ELSPBP1: variants seen among roughly 807,000 people sequenced by gnomAD.
ELSPBP1 encodes the protein epididymal sperm-binding protein 1.
A neutral mutation model predicts 33.3 loss-of-function variants in ELSPBP1; 38 were observed. That is an observed-to-expected ratio of 1.14 (90% CI 0.88 to 1.50). The LOEUF is 1.50. Ranked by LOEUF, ELSPBP1 falls within the 40% of genes most tolerant of loss-of-function variation. ELSPBP1 has a pLI of 0.00. For synonymous variants in ELSPBP1, 85 were observed against 94.1 expected, an observed-to-expected ratio of 0.90 and a Z score of 0.56; for missense variants, 267 against 263.5, an observed-to-expected ratio of 1.01 and a Z score of -0.09.
At chr19:48,008,526 G>T in intron 1 of ELSPBP1, 125 bp from the exon 2 acceptor site, 3 of 662,030 alleles carry the variant, frequency 4.5e-6, no homozygotes, top group Non-Finnish European at 7.9e-6. Flanking sequence ...GAGCTACCAT[G>T]CCTGGTCTAT....
intron 1 of ELSPBP1, among the ~76,000 whole-genome samples, chr19:47,996,940 T>C (rs1966917589): frequency 6.6e-6 from 1 of 152,216 alleles, no homozygotes; most frequent in South Asian, 2.1e-4. Flanking sequence ...GTGAGTTATC[T>C]CTATAGCACG....
Position 47,994,679 on chromosome 19 carries a change from C to T in ELSPBP1, c.-150C>T, listed in dbSNP as rs1213287453. On this transcript the variant is annotated 5_prime_UTR_variant, in exon 1 of 7. Coordinates refer to ENST00000339841, the MANE Select transcript of ELSPBP1 (RefSeq NM_022142.5). ...TGATGAAGAACCCTCCTTTGAGAAG[C>T]TGCCTTTGTGTCCTACAGACAGGCT... 2 of 152,358 alleles carry T rather than the reference C, an allele frequency of 1.3e-5. No homozygotes were observed. The highest frequency in any genetic ancestry group is 4.8e-5 in the African/African-American group (2 of 41,460). The allele number at this position is 152,358 out of a possible 1,614,324, so 9.4% of individuals were successfully genotyped here. A position where few individuals can be genotyped will look rare whatever the true frequency, so the allele number is the denominator to read the frequency against.
At chr19:48,020,022 C>T in intron 5 of ELSPBP1, 145 bp downstream of exon 5, 1 of 848,486 alleles carries the variant, frequency 1.2e-6, no homozygotes, top group African/African-American at 1.7e-5. Flanking sequence ...AGAGTTCTGG[C>T]TCACGAATAA....
intron 4 of ELSPBP1, among the ~76,000 whole-genome samples, chr19:48,018,993 A>G (rs1967170228): frequency 6.6e-6 from 1 of 152,062 alleles, no homozygotes; most frequent in Non-Finnish European, 1.5e-5. Flanking sequence ...TTCTCTAATA[A>G]AAATAGAAAA....
chr19:48,022,641 T>C (rs1967214491), intron 6 of ELSPBP1, among the ~76,000 whole-genome samples: 1 of 152,098 alleles, frequency 6.6e-6, no homozygotes, highest in African/African-American at 2.4e-5. Context: ...TTGGCAAACT[T>C]TTTCAGACCC....
intron 4 of ELSPBP1, among the ~76,000 whole-genome samples, chr19:48,016,874 C>T (rs1600110285): frequency 6.6e-6 from 1 of 152,262 alleles, no homozygotes; most frequent in South Asian, 2.1e-4. Context: ...GCTAGGATTA[C>T]AGGCATGAGG....
chr19:48,015,857 G>A (rs762954775), intron 3 of ELSPBP1, 36 bp from the exon 4 acceptor site: 10 of 1,573,886 alleles, frequency 6.4e-6, no homozygotes, highest in Non-Finnish European at 8.7e-6. Context: ...AACGACTAGA[G>A]GAAGTTAAGA....
intron 1 of ELSPBP1, among the ~76,000 whole-genome samples, chr19:48,002,647 C>T (rs1292099521): frequency 6.6e-6 from 1 of 152,180 alleles, no homozygotes; most frequent in Admixed American, 6.5e-5. Flanking sequence ...AAAAAAATAG[C>T]TGAGCGTGAT....
intron 6 of ELSPBP1, among the ~76,000 whole-genome samples, chr19:48,023,428 GAGGA>G (rs1967228340): frequency 2.2e-5 from 2 of 91,348 alleles, no homozygotes; most frequent in African/African-American, 3.8e-5. Context: ...GGGAGGGAAG[GAGGA>G]AGGGAGAAAG....
rs1966897431 is a variant in ELSPBP1, at chr19:47,994,687, G to A, written c.-142G>A. 6.6e-6 allele frequency: 1 copy of A among 152,386 alleles called. No individual in the cohort carries two copies. The highest frequency in any genetic ancestry group is 1.9e-4 in the East Asian group (1 of 5,176). 9.4% of individuals were successfully genotyped at this position (152,386 alleles called of 1,614,324 possible). ...AACCCTCCTTTGAGAAGCTGCCTTTGTGTCCTACAGACAGGCTGGGGCCAA... is the reference window on the plus strand; with the variant it reads ...AACCCTCCTTTGAGAAGCTGCCTTTATGTCCTACAGACAGGCTGGGGCCAA... On this transcript the variant is annotated 5_prime_UTR_variant, in exon 1 of 7. It adds an upstream start codon to the 5' untranslated region. Coordinates refer to ENST00000339841, the MANE Select transcript of ELSPBP1 (RefSeq NM_022142.5).
chr19:48,014,582 G>A (rs1205088505), intron 3 of ELSPBP1, among the ~76,000 whole-genome samples: 2 of 149,768 alleles, frequency 1.3e-5, no homozygotes, highest in Admixed American at 1.3e-4. Flanking sequence ...CTAAAGACGA[G>A]TTAATGGGTG....
intron 1 of ELSPBP1, among the ~76,000 whole-genome samples, chr19:48,001,763 G>C (rs1422758333): frequency 1.3e-5 from 2 of 151,572 alleles, no homozygotes; most frequent in African/African-American, 4.9e-5. Context: ...GTGTTACCTA[G>C]GCTGATCTCG....
intron 1 of ELSPBP1, among the ~76,000 whole-genome samples, chr19:47,999,415 GTC>G (rs1348051659): frequency 7.4e-6 from 1 of 134,530 alleles, no homozygotes; most frequent in Non-Finnish European, 1.6e-5. Flanking sequence ...TTGAGAAAGA[GTC>G]TCGCTCTGCC....
At chr19:48,022,652 A>G (rs1967214639) in intron 6 of ELSPBP1, among the ~76,000 whole-genome samples, 1 of 152,192 alleles carries the variant, frequency 6.6e-6, no homozygotes, top group African/African-American at 2.4e-5. Flanking sequence ...TTTCAGACCC[A>G]GGAAGGTATC....
chr19:48,004,755 T>C (rs1198979227), intron 1 of ELSPBP1, among the ~76,000 whole-genome samples: 1 of 152,230 alleles, frequency 6.6e-6, no homozygotes, highest in Non-Finnish European at 1.5e-5. Context: ...TCGCTTCATA[T>C]CTGTCTCCTT....
chr19:48,015,761 T>G, intron 3 of ELSPBP1, 132 bp from the exon 4 acceptor site: 8 of 799,406 alleles, frequency 1.0e-5, no homozygotes, highest in Admixed American at 5.7e-5. Flanking sequence ...AAATGCTTGA[T>G]GAAATAATGC....
intron 3 of ELSPBP1, among the ~76,000 whole-genome samples, chr19:48,014,824 T>C (rs1967114826): frequency 6.6e-6 from 1 of 152,098 alleles, no homozygotes; most frequent in African/African-American, 2.4e-5. Context: ...ATAATGTTAA[T>C]AATGCTAGTG....
chr19:48,009,396 C>G (rs777155350), intron 2 of ELSPBP1, among the ~76,000 whole-genome samples: 3 of 152,060 alleles, frequency 2.0e-5, no homozygotes, highest in Non-Finnish European at 4.4e-5. Flanking sequence ...ACCTTCAGAC[C>G]CCAACCTGGA....
chr19:48,004,580 C>T (rs1324027748), intron 1 of ELSPBP1, among the ~76,000 whole-genome samples: 1 of 152,166 alleles, frequency 6.6e-6, no homozygotes, highest in Non-Finnish European at 1.5e-5. Context: ...TCCAGCTCCT[C>T]TCACGTCTCC....
Sources: allele counts gnomAD v4.1 joint callset (sites outside exome capture counted in the v4.1 genomes callset), GRCh38; gene constraint gnomAD v4.1.1; transcripts MANE v1.5; gene names NCBI Gene and HGNC (gene_info 2026-07-23, HGNC 2026-07-21).